ZFPM2: variants seen among roughly 807,000 people sequenced by gnomAD.
ZFPM2 encodes the protein zinc finger protein ZFPM2.
Under a neutral mutation model 98.6 loss-of-function variants are expected in ZFPM2, and 20 were observed. The ratio of observed to expected loss-of-function variants is 0.20; its 90% CI spans 0.14 to 0.29. The LOEUF (loss-of-function observed/expected upper bound fraction) is 0.29. Ranked by LOEUF, ZFPM2 falls within the 10% of genes least tolerant of loss-of-function variation. The probability of loss-of-function intolerance (pLI) is 1.00; values close to 1 mark genes in which losing one functional copy is unlikely to be tolerated. For missense variants in ZFPM2, 1,310 were observed against 1,388.6 expected, an observed-to-expected ratio of 0.94 and a Z score of 0.90; for synonymous variants, 518 against 502.7, an observed-to-expected ratio of 1.03 and a Z score of -0.41.
At chr8:105,428,116 G>A (rs1211845359) in intron 2 of ZFPM2, among the ~76,000 whole-genome samples, 1 of 152,144 alleles carries the variant, frequency 6.6e-6, no homozygotes, top group Non-Finnish European at 1.5e-5. Flanking sequence ...GCTTCCTGAT[G>A]TCCACTATTA....
intron 3 of ZFPM2, among the ~76,000 whole-genome samples, chr8:105,541,879 G>A (rs1260140938): frequency 6.6e-6 from 1 of 151,972 alleles, no homozygotes; most frequent in Non-Finnish European, 1.5e-5. Flanking sequence ...GACACCAAAT[G>A]CCATTTAAAT....
At chr8:105,401,543 T>G (rs1811340613) in intron 1 of ZFPM2, among the ~76,000 whole-genome samples, 1 of 152,128 alleles carries the variant, frequency 6.6e-6, no homozygotes, top group Non-Finnish European at 1.5e-5. Flanking sequence ...TTAAGATGAT[T>G]CTGTATGTTC....
chr8:105,400,838 T>G (rs754962277), intron 1 of ZFPM2, among the ~76,000 whole-genome samples: 4 of 152,098 alleles, frequency 2.6e-5, no homozygotes, highest in Non-Finnish European at 1.5e-5. Flanking sequence ...TCATTAGCCC[T>G]ATTTCCAGTG....
chr8:105,618,848 A>G (rs1013172498), intron 4 of ZFPM2, among the ~76,000 whole-genome samples: 19 of 152,156 alleles, frequency 1.2e-4, no homozygotes, highest in Admixed American at 5.9e-4. Context: ...TCTTTTTACT[A>G]TTAATGAATA....
chr8:105,456,178 T>TTG (rs1342741496), intron 3 of ZFPM2, among the ~76,000 whole-genome samples: 1 of 147,018 alleles, frequency 6.8e-6, no homozygotes, highest in Non-Finnish European at 1.5e-5. Context: ...GTTTTTTTTT[T>TTG]AAGAAGGAAG....
intron 3 of ZFPM2, among the ~76,000 whole-genome samples, chr8:105,518,522 G>A (rs755073025): frequency 6.6e-5 from 10 of 152,170 alleles, no homozygotes; most frequent in South Asian, 6.2e-4. Flanking sequence ...GAATGTGTGT[G>A]TTGATTTGCT....
chr8:105,474,183 T>G (rs1038883598), intron 3 of ZFPM2, among the ~76,000 whole-genome samples: 3 of 152,260 alleles, frequency 2.0e-5, no homozygotes, highest in Non-Finnish European at 4.4e-5. Flanking sequence ...TCAGTCTTTG[T>G]TTCTGTCTCT....
At chr8:105,502,580 A>T (rs1813617195) in intron 3 of ZFPM2, among the ~76,000 whole-genome samples, 1 of 151,980 alleles carries the variant, frequency 6.6e-6, no homozygotes, top group South Asian at 2.1e-4. Context: ...AAATCGTCAA[A>T]CAATCAATTT....
At chr8:105,709,632 A>G (rs1811334732) in intron 5 of ZFPM2, among the ~76,000 whole-genome samples, 1 of 152,176 alleles carries the variant, frequency 6.6e-6, no homozygotes, top group South Asian at 2.1e-4. Flanking sequence ...ACTGAGAGTG[A>G]ATACTTAACT....
rs139491277 is a variant in ZFPM2, at chr8:105,324,272, A to T, written c.40+5291A>T. Among the ~76,000 whole-genome samples the T allele has an allele frequency of 5.0e-4, 76 of 151,910 alleles. 1 individual carries two copies. The East Asian group carries it at 0.012, about 23-fold the overall frequency. On this transcript the variant is annotated intron_variant, in intron 1 of 7. Coordinates refer to ENST00000407775, the MANE Select transcript of ZFPM2 (RefSeq NM_012082.4). ...TGATTATATCAATTGTCTAGCCTGT[A>T]TCTATTAATATATCTATGTTTTGCC... is the stretch of plus-strand genomic sequence containing the variant.
intron 1 of ZFPM2, among the ~76,000 whole-genome samples, chr8:105,372,191 T>C (rs1284009083): frequency 6.6e-6 from 1 of 152,038 alleles, no homozygotes; most frequent in African/African-American, 2.4e-5. Flanking sequence ...TACAGGCACC[T>C]GCCAACAGGC....
chr8:105,643,365 G>A (rs981153342), intron 5 of ZFPM2, among the ~76,000 whole-genome samples: 4 of 152,026 alleles, frequency 2.6e-5, no homozygotes, highest in Admixed American at 1.3e-4. Context: ...TACCCAATGT[G>A]GATTCCATGG....
At chr8:105,374,963 G>A (rs1456879147) in intron 1 of ZFPM2, among the ~76,000 whole-genome samples, 1 of 152,052 alleles carries the variant, frequency 6.6e-6, no homozygotes, top group Non-Finnish European at 1.5e-5. Flanking sequence ...ACTCTGCAGG[G>A]ACTGTCTGCC....
At chr8:105,436,700 G>A (rs1812126388) in intron 2 of ZFPM2, among the ~76,000 whole-genome samples, 1 of 152,062 alleles carries the variant, frequency 6.6e-6, no homozygotes, top group South Asian at 2.1e-4. Flanking sequence ...TCAAATCCTG[G>A]TTCTGCCACT....
intron 1 of ZFPM2, among the ~76,000 whole-genome samples, chr8:105,344,785 A>T (rs1008903730): frequency 6.6e-6 from 1 of 152,146 alleles, no homozygotes; most frequent in African/African-American, 2.4e-5. Flanking sequence ...CTTTATATCA[A>T]GTTATGGACA....
chr8:105,801,686 A>G lies in ZFPM2; in HGVS notation c.1604A>G (p.Tyr535Cys). Reference protein sequence around the residue: ...HRRLRHGSSSYPPVIYSPLMP... With the variant: ...HRRLRHGSSSCPPVIYSPLMP... ...CGACTGAGGCATGGCAGTAGTAGCT[A>G]CCCTCCCGTCATTTACAGCCCTTTG... Residue 535 changes from tyrosine to cysteine, a missense_variant, in exon 8 of 8, where the codon TAC becomes TGC. By Grantham distance (194) the Tyr-to-Cys change is radical. Transcript: ENST00000407775. 2 of 1,613,442 alleles carry G rather than the reference A, an allele frequency of 1.2e-6. No individual in the cohort carries two copies. Among genetic ancestry groups the G allele is most frequent in the Non-Finnish European group, 1.7e-6 (2 of 1,179,816 alleles).
chr8:105,801,798 C>T lies in ZFPM2; in HGVS notation c.1716C>T (p.Ser572=). The T allele has an allele frequency of 6.2e-6, 10 of 1,613,946 alleles. No homozygotes were observed. Among genetic ancestry groups the T allele is most frequent in the Non-Finnish European group, 7.6e-6 (9 of 1,179,872 alleles). ...TAGTGCACAAAAAGCATTATTGCAG[C>T]AGCCGATGGCAGCAGATGGCTAAGT... ...NYLVHKKHYC[S]SRWQQMAKSP... The change falls in exon 8 of 8, where the codon AGC becomes AGT. Residue 572 remains serine, a synonymous_variant. Transcript: ENST00000407775.
Position 105,724,848 on chromosome 8 carries a change from A to T in ZFPM2, c.533-63870A>T, listed in dbSNP as rs550709103. Reference sequence around the variant, plus strand: ...GCATTCATGGCACACCTATTTCTTAATTTTTTCTATTTCTATGCTATGTGA... The same window carrying T: ...GCATTCATGGCACACCTATTTCTTATTTTTTTCTATTTCTATGCTATGTGA... On this transcript the variant is annotated intron_variant, in intron 5 of 7. Coordinates refer to ENST00000407775, the MANE Select transcript of ZFPM2 (RefSeq NM_012082.4). 6.8e-4 allele frequency among the ~76,000 whole-genome samples: 103 copies of T among 151,338 alleles called. 2 individuals are homozygous for T. In the South Asian group the frequency reaches 0.021, roughly 31 times the overall value.
At chr8:105,580,011 G>A (rs1815553404) in intron 4 of ZFPM2, among the ~76,000 whole-genome samples, 1 of 152,128 alleles carries the variant, frequency 6.6e-6, no homozygotes, top group South Asian at 2.1e-4. Context: ...TTCATCTGGT[G>A]TTACACACAG....
Sources: gnomAD v4.1 joint callset for allele counts (sites outside exome capture counted in the v4.1 genomes callset) on GRCh38, gnomAD v4.1.1 for gene constraint, MANE v1.5 for transcripts, NCBI Gene and HGNC (gene_info 2026-07-23, HGNC 2026-07-21) for gene names.